The following SSBP3 variants were observed in gnomAD, a reference collection of about 807,000 sequenced individuals.
SSBP3 encodes the protein single-stranded DNA-binding protein 3.
Under a neutral mutation model 69.6 loss-of-function variants are expected in SSBP3, and 5 were observed. The ratio of observed to expected loss-of-function variants is 0.07; its 90% CI spans 0.04 to 0.15. The LOEUF (loss-of-function observed/expected upper bound fraction) is 0.15, where lower values mean the gene tolerates loss of function less well. Ranked by LOEUF, SSBP3 falls within the 10% of genes least tolerant of loss-of-function variation. The pLI is 1.00. For missense variants in SSBP3, 312 were observed against 534.0 expected (o/e 0.58, Z 4.10); for synonymous variants, 196 against 193.4 (o/e 1.01, Z -0.11).
intron 4 of SSBP3, among the ~76,000 whole-genome samples, chr1:54,348,692 C>G (rs1456563182): frequency 6.6e-6 from 1 of 152,204 alleles, no homozygotes; most frequent in East Asian, 1.9e-4. Context: ...CCTGTGCCAG[C>G]TTAGGGTCTG....
chr1:54,371,680 A>G (rs2100681147), intron 4 of SSBP3, among the ~76,000 whole-genome samples: 1 of 152,338 alleles, frequency 6.6e-6, no homozygotes, highest in East Asian at 1.9e-4. Context: ...AGAAGACACA[A>G]TAATAAAAAT....
chr1:54,388,436 C>T (rs1648244481), intron 4 of SSBP3, among the ~76,000 whole-genome samples: 1 of 152,228 alleles, frequency 6.6e-6, no homozygotes, highest in Admixed American at 6.5e-5. Flanking sequence ...ACACACAGTG[C>T]CTGGCCTGGG....
chr1:54,335,635 CA>C (rs1646495117), intron 4 of SSBP3, among the ~76,000 whole-genome samples: 1 of 152,180 alleles, frequency 6.6e-6, no homozygotes, highest in African/African-American at 2.4e-5. Flanking sequence ...GGTGCCCAAA[CA>C]CATCGATTCA....
chr1:54,243,705 G>A (rs1035826529), intron 9 of SSBP3, among the ~76,000 whole-genome samples: 1 of 152,158 alleles, frequency 6.6e-6, no homozygotes, highest in African/African-American at 2.4e-5. Context: ...GAGGCGAGGG[G>A]TGAGTGTCAA....
At chr1:54,407,366 T>C (rs548375299), upstream of SSBP3, among the ~76,000 whole-genome samples, 3 of 151,176 alleles carry the variant, frequency 2.0e-5, no homozygotes, top group South Asian at 4.2e-4. Context: ...TGGAGCTAAA[T>C]TGGGGAGTGA....
Position 54,228,419 on chromosome 1 carries a change from C to T in SSBP3, c.1035+30G>A, listed in dbSNP as rs76470368. Reference sequence around the variant, plus strand: ...CAACAACCTGCCCACACAGATGGGGCGCCGCCAGGGAGACCGAGTGCACAC... The same window carrying T: ...CAACAACCTGCCCACACAGATGGGGTGCCGCCAGGGAGACCGAGTGCACAC... On this transcript the variant is annotated intron_variant, in intron 16 of 17. Coordinates refer to ENST00000610401, the Ensembl canonical transcript of SSBP3. 11,794 of 1,614,110 alleles carry T rather than the reference C, an allele frequency of 7.3e-3. 55 individuals are homozygous for T. Among genetic ancestry groups the T allele is most frequent in the Non-Finnish European group, 8.7e-3 (10,259 of 1,180,004 alleles).
At chr1:54,240,832 C>CCT in intron 13 of SSBP3, 73 bp downstream of exon 13, 1 of 1,592,372 alleles carries the variant, frequency 6.3e-7, no homozygotes, top group Non-Finnish European at 8.6e-7. Flanking sequence ...CAACAGTGCC[C>CCT]CTCCAGGTCT....
At position 54,239,143 on chromosome 1, in the gene SSBP3, C is replaced by T. The variant is rs748945116; in HGVS notation, c.913G>A (p.Gly305Ser). ...AGCAGACTTACGTTGGACCGGCTGCCTCCAGGCGGCACTGGATTAATCATT... is the reference window on the plus strand; with the variant it reads ...AGCAGACTTACGTTGGACCGGCTGCTTCCAGGCGGCACTGGATTAATCATT... The change falls in exon 14 of 18, where the codon GGC (glycine) becomes AGC (serine). Residue 305 changes from glycine (G) to serine (S), a missense_variant. Gly to Ser is a moderately conservative substitution (Grantham distance 56). Coordinates refer to ENST00000610401, the Ensembl canonical transcript of SSBP3. 3.1e-6 allele frequency: 5 copies of T among 1,614,082 alleles called. No homozygotes were observed. In the South Asian group the frequency reaches 5.5e-5, roughly 18 times the overall value.
chr1:54,287,981 A>C (rs997174201), intron 4 of SSBP3, among the ~76,000 whole-genome samples: 5 of 152,250 alleles, frequency 3.3e-5, no homozygotes, highest in African/African-American at 1.2e-4. Flanking sequence ...CTGCCTTCAA[A>C]TAGTCAGGGG....
At chr1:54,391,873 C>A (rs1451650156) in intron 4 of SSBP3, among the ~76,000 whole-genome samples, 1 of 152,124 alleles carries the variant, frequency 6.6e-6, no homozygotes, top group East Asian at 1.9e-4. Flanking sequence ...GGGCAAGGAA[C>A]CCCCTCCACC....
chr1:54,393,339 A>C (rs1332249440), intron 4 of SSBP3, among the ~76,000 whole-genome samples: 1 of 152,192 alleles, frequency 6.6e-6, no homozygotes, highest in African/African-American at 2.4e-5. Context: ...GGATCCAGAG[A>C]GCTGATCAAC....
At chr1:54,344,727 G>C (rs1646661424) in intron 4 of SSBP3, among the ~76,000 whole-genome samples, 1 of 152,204 alleles carries the variant, frequency 6.6e-6, no homozygotes, top group African/African-American at 2.4e-5. Context: ...ACAGAGAACA[G>C]GTTCTCAGGT....
intron 7 of SSBP3, among the ~76,000 whole-genome samples, chr1:54,253,194 T>G (rs1028946970): frequency 6.8e-6 from 1 of 147,842 alleles, no homozygotes; most frequent in South Asian, 2.1e-4. Context: ...TAGTTTTTGT[T>G]TTTTTTTTTT....
chr1:54,330,170 A>G (rs920127600), intron 4 of SSBP3, among the ~76,000 whole-genome samples: 3 of 152,144 alleles, frequency 2.0e-5, no homozygotes, highest in Non-Finnish European at 4.4e-5. Context: ...GCAGGCCTGA[A>G]AATCAACCTG....
At chr1:54,225,519 T>A in exon 18 of SSBP3, 1 of 996,878 alleles carries the variant, frequency 1.0e-6, no homozygotes, top group Non-Finnish European at 1.3e-6. Flanking sequence ...TTTTTTCCTC[T>A]CTTAATTCAG....
chr1:54,342,206 T>G (rs533722927), intron 4 of SSBP3, among the ~76,000 whole-genome samples: 3 of 152,356 alleles, frequency 2.0e-5, no homozygotes, highest in Admixed American at 1.3e-4. Context: ...GGAAGGTACT[T>G]CGCAAAGTGC....
At chr1:54,380,319 T>C (rs1647524098) in intron 4 of SSBP3, among the ~76,000 whole-genome samples, 1 of 152,228 alleles carries the variant, frequency 6.6e-6, no homozygotes, top group Middle Eastern at 3.4e-3. Flanking sequence ...CATGCCCAAA[T>C]GCTTGAGTCT....
chr1:54,244,956 T>C (rs780940723), intron 9 of SSBP3, among the ~76,000 whole-genome samples: 1 of 152,158 alleles, frequency 6.6e-6, no homozygotes, highest in Non-Finnish European at 1.5e-5. Flanking sequence ...GGACTCCAAG[T>C]GCCCTTTGAA....
intron 3 of SSBP3, among the ~76,000 whole-genome samples, chr1:54,402,511 T>C (rs920110346): frequency 7.9e-5 from 12 of 152,090 alleles, no homozygotes; most frequent in African/African-American, 2.9e-4. Flanking sequence ...CCTCCACCCT[T>C]CCCACCTCAC....
Sources: allele counts gnomAD v4.1 joint callset (sites outside exome capture counted in the v4.1 genomes callset), GRCh38; gene constraint gnomAD v4.1.1; transcripts MANE v1.5; gene names NCBI Gene and HGNC (gene_info 2026-07-23, HGNC 2026-07-21).